The following SCLT1 variants were observed in gnomAD, a reference collection of about 807,000 sequenced individuals.
The protein encoded by SCLT1 is sodium channel and clathrin linker 1, also known as sodium channel-associated protein 1.
SCLT1 carries 78 observed loss-of-function variants against 112.8 expected under a neutral mutation model. The ratio of observed to expected loss-of-function variants is 0.69; its 90% CI spans 0.58 to 0.83. The LOEUF (loss-of-function observed/expected upper bound fraction) is 0.83, where lower values mean the gene tolerates loss of function less well. Among genes scored for constraint, SCLT1 ranks in the 40% least tolerant of loss-of-function variants. The pLI is 0.00. For synonymous variants in SCLT1, 257 were observed against 254.7 expected (o/e 1.01, Z -0.09); for missense variants, 747 against 770.4 (o/e 0.97, Z 0.36).
At chr4:129,012,161 G>A (rs1354393274) in intron 5 of SCLT1, among the ~76,000 whole-genome samples, 1 of 152,110 alleles carries the variant, frequency 6.6e-6, no homozygotes, top group Non-Finnish European at 1.5e-5. Context: ...TTTTTGATGT[G>A]AGCACTTAGT....
chr4:129,053,587 T>TTG, intron 2 of SCLT1, among the ~76,000 whole-genome samples: 1 of 119,418 alleles, frequency 8.4e-6, no homozygotes, highest in Non-Finnish European at 1.8e-5. Flanking sequence ...TTTTTTTTTT[T>TTG]TTTGCTTTCC....
chr4:128,905,382 A>G lies in SCLT1; in HGVS notation c.1830-14245T>C, dbSNP rs570293843. On this transcript the variant is annotated intron_variant, in intron 18 of 20. Coordinates refer to ENST00000281142, the MANE Select transcript of SCLT1 (RefSeq NM_144643.4). Reference sequence around the variant, plus strand: ...GCCACTATCATCTATTGCCAAAACTACTGTAAAACTCTAATATCTGGTTTC... The same window carrying G: ...GCCACTATCATCTATTGCCAAAACTGCTGTAAAACTCTAATATCTGGTTTC... Among the ~76,000 whole-genome samples the G allele has an allele frequency of 1.9e-3, 289 of 152,230 alleles. 8 individuals carry two copies. Among genetic ancestry groups the G allele is most frequent in the Middle Eastern group, 0.017 (5 of 294 alleles).
chr4:128,988,020 C>T (rs1231923089), intron 9 of SCLT1, among the ~76,000 whole-genome samples: 4 of 151,744 alleles, frequency 2.6e-5, no homozygotes, highest in African/African-American at 9.7e-5. Flanking sequence ...AAAAAAAAAG[C>T]TTATGAATTT....
intron 18 of SCLT1, among the ~76,000 whole-genome samples, chr4:128,918,781 A>T (rs1040695003): frequency 2.6e-5 from 4 of 152,304 alleles, no homozygotes; most frequent in Admixed American, 2.6e-4. Context: ...TGCTATTCTA[A>T]TTTCAGACAA....
intron 8 of SCLT1, among the ~76,000 whole-genome samples, chr4:128,995,663 C>A (rs1159366040): frequency 6.6e-6 from 1 of 152,098 alleles, no homozygotes. Context: ...ATGCTGGCAG[C>A]TGTGGCTTTG....
chr4:128,987,044 T>C (rs1340839151), intron 9 of SCLT1, among the ~76,000 whole-genome samples: 2 of 152,080 alleles, frequency 1.3e-5, no homozygotes, highest in Non-Finnish European at 1.5e-5. Flanking sequence ...AGTCTGTGTA[T>C]GTAGGAGGAT....
intron 3 of SCLT1, among the ~76,000 whole-genome samples, 175 bp downstream of exon 3, chr4:129,043,818 C>T (rs1747927526): frequency 6.6e-6 from 1 of 152,176 alleles, no homozygotes; most frequent in East Asian, 1.9e-4. Context: ...AAAGTTGCTC[C>T]TGTCTGAGAA....
intron 14 of SCLT1, among the ~76,000 whole-genome samples, chr4:128,950,177 T>C (rs965916759): frequency 6.6e-6 from 1 of 152,166 alleles, no homozygotes; most frequent in African/African-American, 2.4e-5. Context: ...AGTGCTAAAT[T>C]TGGGATTTTA....
chr4:128,922,344 T>C (rs902074737), intron 18 of SCLT1, among the ~76,000 whole-genome samples: 1 of 152,190 alleles, frequency 6.6e-6, no homozygotes, highest in African/African-American at 2.4e-5. Context: ...CAAAGACGCA[T>C]GCTTGTGTAG....
intron 2 of SCLT1, among the ~76,000 whole-genome samples, chr4:129,067,056 T>C (rs960472211): frequency 2.0e-5 from 3 of 152,110 alleles, no homozygotes; most frequent in Non-Finnish European, 4.4e-5. Flanking sequence ...CTGACACAAT[T>C]GGGTGGTAGG....
chr4:128,934,392 G>A (rs1221760979), intron 18 of SCLT1, among the ~76,000 whole-genome samples: 2 of 151,640 alleles, frequency 1.3e-5, no homozygotes, highest in African/African-American at 2.4e-5. Flanking sequence ...TTCAGATATT[G>A]CTCCATGTGC....
At chr4:129,005,609 A>G (rs981981510) in intron 5 of SCLT1, among the ~76,000 whole-genome samples, 9 of 152,124 alleles carry the variant, frequency 5.9e-5, no homozygotes, top group South Asian at 2.1e-4. Flanking sequence ...TCAGTGTGGC[A>G]ATTCCTCAGG....
chr4:128,912,593 T>TAA (rs1207070413), intron 18 of SCLT1, among the ~76,000 whole-genome samples: 3 of 150,778 alleles, frequency 2.0e-5, no homozygotes, highest in African/African-American at 7.5e-5. Context: ...TTCATATATA[T>TAA]AAATCTTGCC....
At chr4:128,969,518 G>A (rs1740497730) in intron 10 of SCLT1, among the ~76,000 whole-genome samples, 2 of 152,200 alleles carry the variant, frequency 1.3e-5, no homozygotes, top group Non-Finnish European at 2.9e-5. Flanking sequence ...CTGACAGTGA[G>A]CCGAGATCAA....
In SCLT1 at chr4:128,888,671, C is replaced by T; in HGVS notation, c.2004+8G>A. 2 of 1,554,440 alleles carry T rather than the reference C, an allele frequency of 1.3e-6. No homozygotes were observed. Among genetic ancestry groups the T allele is most frequent in the Non-Finnish European group, 1.8e-6 (2 of 1,127,284 alleles). On this transcript the variant is annotated splice_region_variant and intron_variant, in intron 20 of 20. Coordinates refer to ENST00000281142, the MANE Select transcript of SCLT1 (RefSeq NM_144643.4). ...TTTATTATCTAGGGATAAGAGGATG[C>T]TCCCTACCTGCTGGGAAGCTGAAGC...
rs1363788062 is a variant in SCLT1 at position 128,884,501 on chromosome 4, G to A, written c.2043C>T (p.Ser681=). ...TTTAAATATTTTCCAGATTCATCAG[G>A]GAGGCTGCTTTTCTTCTCTGCACTG... ...VITVQRRKAA[S]LMNLENI Residue 681 remains serine (S), a synonymous_variant, in exon 21 of 21, where the codon TCC becomes TCT. Transcript: ENST00000281142. 1.2e-6 allele frequency: 2 copies of A among 1,604,094 alleles called. No homozygotes were observed. The highest frequency in any genetic ancestry group is 3.3e-5 in the Admixed American group (2 of 59,988).
chr4:129,053,128 G>A (rs941232796), intron 2 of SCLT1, among the ~76,000 whole-genome samples: 2 of 152,138 alleles, frequency 1.3e-5, no homozygotes, highest in East Asian at 3.8e-4. Context: ...TGAATTTGCT[G>A]AGGAGTGTTT....
chr4:128,952,175 G>A lies in SCLT1; in HGVS notation c.1218+594C>T, dbSNP rs1031932146. Among the ~76,000 whole-genome samples the A allele has an allele frequency of 2.9e-4, 44 of 152,242 alleles. 1 individual carries two copies. Among genetic ancestry groups the A allele is most frequent in the African/African-American group, 9.9e-4 (41 of 41,552 alleles). On this transcript the variant is annotated intron_variant, in intron 14 of 20. Transcript: ENST00000281142. ...AAGATATGATTCATTGCTAAATTTTGTAACAGAGATAAAAAGTGATACAGG... is the reference window on the plus strand; with the variant it reads ...AAGATATGATTCATTGCTAAATTTTATAACAGAGATAAAAAGTGATACAGG...
At chr4:128,984,241 A>G (rs1462464246) in intron 9 of SCLT1, among the ~76,000 whole-genome samples, 1 of 152,150 alleles carries the variant, frequency 6.6e-6, no homozygotes, top group Non-Finnish European at 1.5e-5. Context: ...TCAAAAATCA[A>G]AGTATCTACT....
Sources: allele counts gnomAD v4.1 joint callset (sites outside exome capture counted in the v4.1 genomes callset), GRCh38; gene constraint gnomAD v4.1.1; transcripts MANE v1.5; gene names NCBI Gene and HGNC (gene_info 2026-07-23, HGNC 2026-07-21).